CDKN1C: variants seen among roughly 807,000 people sequenced by gnomAD.
CDKN1C encodes the protein cyclin dependent kinase inhibitor 1C, also known as cyclin-dependent kinase inhibitor 1C.
A neutral mutation model predicts 16.5 loss-of-function variants in CDKN1C; 7 were observed. The ratio of observed to expected loss-of-function variants is 0.42; its 90% CI spans 0.24 to 0.80. CDKN1C has a LOEUF of 0.80. Among genes scored for constraint, CDKN1C ranks in the 30% least tolerant of loss-of-function variants. The pLI is 0.26. For synonymous variants in CDKN1C, 288 were observed against 214.4 expected, an observed-to-expected ratio of 1.34 and a Z score of -3.00; for missense variants, 429 against 437.3, an observed-to-expected ratio of 0.98 and a Z score of 0.17.
At chr11:2,884,223 G>A (rs1485986136) in intron 2 of CDKN1C, 89 bp from the exon 3 acceptor site, 1 of 1,055,668 alleles carries the variant, frequency 9.5e-7, no homozygotes, top group African/African-American at 1.7e-5. Flanking sequence ...GCGCGGGCCG[G>A]CCGGGGTGGG....
intron 1 of CDKN1C, 50 bp from the exon 2 acceptor site, chr11:2,885,516 G>T: frequency 6.5e-7 from 1 of 1,538,992 alleles, no homozygotes. Context: ...AACGCGGGCA[G>T]CGAGAGAGGA....
rs1168261055 is a variant in CDKN1C, at chr11:2,885,214, G to C, written c.243C>G (p.Arg81=). 3 of 1,545,288 alleles carry C rather than the reference G, an allele frequency of 1.9e-6. No individual in the cohort carries two copies. Among genetic ancestry groups the C allele is most frequent in the Non-Finnish European group, 2.6e-6 (3 of 1,148,304 alleles). Residue 81 remains arginine, a synonymous_variant, in exon 2 of 4, where the codon CGC becomes CGG. Coordinates refer to ENST00000440480, the MANE Select transcript of CDKN1C (RefSeq NM_001122630.2). ...GGCAGCGCCCCACCTGCACCGTCTC[G>C]CGGTAGAACGCGGGCACCGAGTCGC... ...VDSDSVPAFY[R]ETVQVGRCRL...
In CDKN1C at chr11:2,884,960, A is replaced by G. The variant is rs1288020047; in HGVS notation, c.497T>C (p.Val166Ala). 39 of 1,003,004 alleles carry G rather than the reference A, an allele frequency of 3.9e-5. No individual in the cohort carries two copies. Among genetic ancestry groups the G allele is most frequent in the Middle Eastern group, 7.7e-4 (2 of 2,600 alleles). The allele number at this position is 1,003,004 out of a possible 1,614,324, so 62.1% of individuals were successfully genotyped here. A position where few individuals can be genotyped will look rare whatever the true frequency, so the allele number is the denominator to read the frequency against. The change falls in exon 2 of 4, where the codon GTC becomes GCC. Residue 166 changes from valine (V) to alanine (A), a missense_variant. Physicochemically the swap from Val to Ala is moderately conservative, Grantham distance 64 (BLOSUM62 0). Coordinates refer to ENST00000440480, the MANE Select transcript of CDKN1C (RefSeq NM_001122630.2). ...APVAAPVAVA[V>A]LAPAPAPAPA... ...AGCCGGGGCCGGGGCCGGGGCCAGG[A>G]CCGCGACCGCGACCGGAGCCGCGAC...
rs1049990881 is a variant in CDKN1C, at chr11:2,883,619, T to C, written c.*302A>G. The C allele has an allele frequency of 6.7e-6, 4 of 593,632 alleles. No individual in the cohort carries two copies. Among genetic ancestry groups the C allele is most frequent in the Non-Finnish European group, 1.0e-5 (4 of 392,832 alleles). 36.8% of individuals were successfully genotyped at this position (593,632 alleles called of 1,614,324 possible). A position where few individuals can be genotyped will look rare whatever the true frequency, so the allele number is the denominator to read the frequency against. Reference sequence around the variant, plus strand: ...ACATGGTTTTTTTATTTTTTCCTTTTTTTTTTCTTTTTTCTTTTTTTTGCA... The same window carrying C: ...ACATGGTTTTTTTATTTTTTCCTTTCTTTTTTCTTTTTTCTTTTTTTTGCA... On this transcript the variant is annotated 3_prime_UTR_variant, in exon 4 of 4. Coordinates refer to ENST00000440480, the MANE Select transcript of CDKN1C (RefSeq NM_001122630.2).
Position 2,883,830 on chromosome 11 carries a change from C to T in CDKN1C, c.*91G>A. 2 of 1,534,488 alleles carry T rather than the reference C, an allele frequency of 1.3e-6. No individual in the cohort carries two copies. The highest frequency in any genetic ancestry group is 8.7e-7 in the Non-Finnish European group (1 of 1,143,430). ...CTGCGGCAGCCGCCGCCGGTTGCTG[C>T]TACATGAACGGTCCCAGCCGAGGCC... is the stretch of plus-strand genomic sequence containing the variant. On this transcript the variant is annotated 3_prime_UTR_variant, in exon 4 of 4. Transcript: ENST00000440480.
In CDKN1C at chr11:2,885,672, C is replaced by T. The variant is rs1848993555; in HGVS notation, c.-49G>A. ...GGTGGACTCTTCTGCGTCGGGTTCGCCTGTCTCGTCCGGACGGCAGCCGCG... is the reference window on the plus strand; with the variant it reads ...GGTGGACTCTTCTGCGTCGGGTTCGTCTGTCTCGTCCGGACGGCAGCCGCG... On this transcript the variant is annotated 5_prime_UTR_variant, in exon 1 of 4. Transcript: ENST00000440480. 2 of 716,146 alleles carry T rather than the reference C, an allele frequency of 2.8e-6. No individual in the cohort carries two copies. Among genetic ancestry groups the T allele is most frequent in the Non-Finnish European group, 4.6e-6 (2 of 439,394 alleles). The allele number at this position is 716,146 out of a possible 1,614,324, so 44.4% of individuals were successfully genotyped here.
At position 2,883,633 on chromosome 11, in the gene CDKN1C, C is replaced by A; in HGVS notation, c.*288G>T. 3.5e-6 allele frequency: 2 copies of A among 572,578 alleles called. No homozygotes were observed. The highest frequency in any genetic ancestry group is 5.1e-6 in the Non-Finnish European group (2 of 391,864). The allele number at this position is 572,578 out of a possible 1,614,324, so 35.5% of individuals were successfully genotyped here. A position where few individuals can be genotyped will look rare whatever the true frequency, so the allele number is the denominator to read the frequency against. On this transcript the variant is annotated 3_prime_UTR_variant, in exon 4 of 4. Transcript: ENST00000440480. ...TTTTTTCCTTTTTTTTTTCTTTTTT[C>A]TTTTTTTTGCACTGAGTTTCAGCAG...
In CDKN1C at chr11:2,885,488, A is replaced by G. The variant is rs1848984628; in HGVS notation, c.-10-22T>C. On this transcript the variant is annotated intron_variant, in intron 1 of 3. Transcript: ENST00000440480. ...TGTGCTGCGGAGGGACGCGTCGGACATGGCCCGGGGCTGCGCAAACGCGGG... is the reference window on the plus strand; with the variant it reads ...TGTGCTGCGGAGGGACGCGTCGGACGTGGCCCGGGGCTGCGCAAACGCGGG... 1 of 1,542,764 alleles carries G rather than the reference A, an allele frequency of 6.5e-7. No individual in the cohort carries two copies. The highest frequency in any genetic ancestry group is 8.7e-7 in the Non-Finnish European group (1 of 1,146,858).
In CDKN1C at chr11:2,885,746, C is replaced by G; in HGVS notation, c.-123G>C. 2 of 583,444 alleles carry G rather than the reference C, an allele frequency of 3.4e-6. No homozygotes were observed. The highest frequency in any genetic ancestry group is 6.1e-5 in the Admixed American group (2 of 32,800). The allele number at this position is 583,444 out of a possible 1,614,324, so 36.1% of individuals were successfully genotyped here. A position where few individuals can be genotyped will look rare whatever the true frequency, so the allele number is the denominator to read the frequency against. On this transcript the variant is annotated 5_prime_UTR_variant, in exon 1 of 4. Coordinates refer to ENST00000440480, the MANE Select transcript of CDKN1C (RefSeq NM_001122630.2). ...CTCGCTCGCTCAGGCCTGGCCGGCA[C>G]CCCTCGAGCACAGCGCACTTGGCCT...
chr11:2,883,762 A>T lies in CDKN1C; in HGVS notation c.*159T>A. 6.8e-7 allele frequency: 1 copy of T among 1,468,504 alleles called. No homozygotes were observed. The highest frequency in any genetic ancestry group is 8.9e-7 in the Non-Finnish European group (1 of 1,118,756). The allele number at this position is 1,468,504 out of a possible 1,614,324, so 91.0% of individuals were successfully genotyped here. A position where few individuals can be genotyped will look rare whatever the true frequency, so the allele number is the denominator to read the frequency against. On this transcript the variant is annotated 3_prime_UTR_variant, in exon 4 of 4. Coordinates refer to ENST00000440480, the MANE Select transcript of CDKN1C (RefSeq NM_001122630.2). ...AGATATAAAAAGACGTTATTAATAC[A>T]TTGCACAGTTTTCAAAATTTAAAAA...
chr11:2,884,613 G>A lies in CDKN1C; in HGVS notation c.787+57C>T. 6 of 1,113,426 alleles carry A rather than the reference G, an allele frequency of 5.4e-6. No homozygotes were observed. The Admixed American group carries it at 1.3e-4, about 25-fold the overall frequency. The allele number at this position is 1,113,426 out of a possible 1,614,324, so 69.0% of individuals were successfully genotyped here. ...GAGGCCCCCGAGGGCTGGGGGGACC[G>A]GCCGGCCGGACAAAGCGGGGCCGGG... On this transcript the variant is annotated intron_variant, in intron 2 of 3. Transcript: ENST00000440480.
Position 2,885,433 on chromosome 11 carries a change from C to T in CDKN1C, c.24G>A (p.Gly8=), listed in dbSNP as rs1590151650. 1.9e-6 allele frequency: 3 copies of T among 1,548,790 alleles called. No homozygotes were observed. Among genetic ancestry groups the T allele is most frequent in the Middle Eastern group, 1.7e-4 (1 of 5,988 alleles). Residue 8 remains glycine, a synonymous_variant, in exon 2 of 4, where the codon GGG becomes GGA. Transcript: ENST00000440480. The part of the protein sequence containing the change: MERLVAR[G]TFPVLVRTSA... ...TGGTGCGCACTAGTACTGGGAAGGTCCCACGGGCGACAAGACGCTCCATCG... is the reference window on the plus strand; with the variant it reads ...TGGTGCGCACTAGTACTGGGAAGGTTCCACGGGCGACAAGACGCTCCATCG...
intron 2 of CDKN1C, 63 bp from the exon 3 acceptor site, chr11:2,884,197 C>T: frequency 8.3e-7 from 1 of 1,211,952 alleles, no homozygotes. Flanking sequence ...GAGAGGGGGC[C>T]GGGAGAGGGC....
intron 1 of CDKN1C, 70 bp downstream of exon 1, chr11:2,885,564 G>A: frequency 4.0e-6 from 6 of 1,515,278 alleles, no homozygotes; most frequent in Middle Eastern, 2.0e-4. Flanking sequence ...GAGGAGGAGA[G>A]GGCGGAGGCC....
chr11:2,884,830 A>G lies in CDKN1C; in HGVS notation c.627T>C (p.Pro209=). The part of the protein sequence containing the change: ...PAPAPAPDAA[P]QESAEQGANQ... ...TCGCGCCCTGCTCGGCGCTCTCTTG[A>G]GGCGCCGCGTCCGGGGCCGGGGCCG... Residue 209 remains proline (P), a synonymous_variant, in exon 2 of 4, where the codon CCT becomes CCC. Coordinates refer to ENST00000440480, the MANE Select transcript of CDKN1C (RefSeq NM_001122630.2). The G allele has an allele frequency of 4.9e-6, 6 of 1,231,052 alleles. No homozygotes were observed. Among genetic ancestry groups the G allele is most frequent in the Non-Finnish European group, 6.1e-6 (6 of 982,982 alleles). The allele number at this position is 1,231,052 out of a possible 1,614,324, so 76.3% of individuals were successfully genotyped here. A position where few individuals can be genotyped will look rare whatever the true frequency, so the allele number is the denominator to read the frequency against.
chr11:2,884,189 G>C lies in CDKN1C; in HGVS notation c.788-55C>G. The C allele has an allele frequency of 7.9e-6, 10 of 1,260,686 alleles. No individual in the cohort carries two copies. In the South Asian group the frequency reaches 8.2e-5, roughly 10 times the overall value. The allele number at this position is 1,260,686 out of a possible 1,614,324, so 78.1% of individuals were successfully genotyped here. ...GGGCGGGGCCGGCCCGGAGACCCGAGAGGGGGCCGGGAGAGGGCGCGGGGC... is the reference window on the plus strand; with the variant it reads ...GGGCGGGGCCGGCCCGGAGACCCGACAGGGGGCCGGGAGAGGGCGCGGGGC... On this transcript the variant is annotated intron_variant, in intron 2 of 3. Coordinates refer to ENST00000440480, the MANE Select transcript of CDKN1C (RefSeq NM_001122630.2).
rs772704243 is a variant in CDKN1C at position 2,884,840 on chromosome 11, TCCGGGGCCGGGG to T, written c.605_616del (p.Ala202_Pro205del). The T allele has an allele frequency of 2.0e-5, 23 of 1,129,204 alleles. No homozygotes were observed. The highest frequency in any genetic ancestry group is 4.9e-5 in the Admixed American group (1 of 20,340). 69.9% of individuals were successfully genotyped at this position (1,129,204 alleles called of 1,614,324 possible). On this transcript the variant is annotated inframe_deletion, in exon 2 of 4. Transcript: ENST00000440480. ...CTCGGCGCTCTCTTGAGGCGCCGCG[TCCGGGGCCGGGG>T]CCGGGGCGGGGGCCGGGGCCGGGGC...
intron 2 of CDKN1C, chr11:2,884,427 A>C: frequency 3.9e-6 from 1 of 256,968 alleles, no homozygotes; most frequent in Non-Finnish European, 7.3e-6. Context: ...CGGGGGCGAA[A>C]ACTGCGCTCC....
At chr11:2,884,620 C>T in intron 2 of CDKN1C, 50 bp downstream of exon 2, 3 of 1,145,482 alleles carry the variant, frequency 2.6e-6, no homozygotes, top group East Asian at 3.5e-5. Context: ...ACCGGCCGGC[C>T]GGACAAAGCG....
Sources: gnomAD v4.1 joint callset for allele counts on GRCh38, gnomAD v4.1.1 for gene constraint, MANE v1.5 for transcripts, NCBI Gene and HGNC (gene_info 2026-07-23, HGNC 2026-07-21) for gene names.